Variants in NFIA observed in about 807,000 individuals in gnomAD.
NFIA encodes nuclear factor 1 A-type.
In NFIA, 8 loss-of-function variants were observed where a neutral mutation model predicts 62.8. That is an observed-to-expected ratio of 0.13 (90% CI 0.07 to 0.23). NFIA has a LOEUF of 0.23. NFIA is among the 10% of genes least tolerant of loss of function. The pLI, the probability that NFIA is intolerant of heterozygous loss-of-function variation, is 1.00. For synonymous variants in NFIA, 235 were observed against 238.1 expected, an observed-to-expected ratio of 0.99 and a Z score of 0.12; for missense variants, 410 against 642.1, an observed-to-expected ratio of 0.64 and a Z score of 3.91.
chr1:61,315,040 CA>C (rs71582636), intron 3 of NFIA, among the ~76,000 whole-genome samples: 6 of 150,298 alleles, frequency 4.0e-5, no homozygotes, highest in South Asian at 4.2e-4. Flanking sequence ...GCACCTGAAA[CA>C]AAAAAAAACA....
intron 10 of NFIA, among the ~76,000 whole-genome samples, chr1:61,432,778 T>A (rs1006453549): frequency 6.6e-6 from 1 of 151,928 alleles, no homozygotes; most frequent in East Asian, 1.9e-4. Flanking sequence ...ACTCCCAAGA[T>A]TAGAGAGGAA....
At chr1:61,191,278 T>C (rs1486044786) in intron 2 of NFIA, among the ~76,000 whole-genome samples, 1 of 152,178 alleles carries the variant, frequency 6.6e-6, no homozygotes, top group Non-Finnish European at 1.5e-5. Flanking sequence ...CTATCAAAAA[T>C]ACGGGTAAGT....
chr1:61,367,137 A>C (rs1365890645), intron 6 of NFIA, among the ~76,000 whole-genome samples: 2 of 152,196 alleles, frequency 1.3e-5, no homozygotes, highest in African/African-American at 4.8e-5. Context: ...TAGTCATTGT[A>C]ATTTTAAATA....
chr1:61,308,642 C>T (rs529586518), intron 3 of NFIA, among the ~76,000 whole-genome samples: 2 of 152,314 alleles, frequency 1.3e-5, no homozygotes, highest in East Asian at 1.9e-4. Context: ...GGTTTACATC[C>T]TGGCTTTGTC....
intron 4 of NFIA, among the ~76,000 whole-genome samples, chr1:61,347,889 A>T (rs760935330): frequency 1.1e-4 from 17 of 152,008 alleles, no homozygotes; most frequent in Non-Finnish European, 2.1e-4. Flanking sequence ...TTTAACCCTG[A>T]CTCTCTCTTT....
chr1:61,175,033 C>A (rs1436234342), intron 2 of NFIA, among the ~76,000 whole-genome samples: 2 of 151,786 alleles, frequency 1.3e-5, no homozygotes, highest in Admixed American at 6.6e-5. Context: ...TAAAAAAAAA[C>A]AAAAAAACAC....
At chr1:61,383,137 CTT>C in intron 6 of NFIA, 98 bp from the exon 7 acceptor site, 1 of 1,449,686 alleles carries the variant, frequency 6.9e-7, no homozygotes, top group Non-Finnish European at 9.4e-7. Context: ...GTGGATTTCT[CTT>C]TTTGTTTGTT....
chr1:61,404,717 TAC>T (rs1466446301), intron 8 of NFIA, among the ~76,000 whole-genome samples: 1 of 152,294 alleles, frequency 6.6e-6, no homozygotes, highest in Middle Eastern at 3.4e-3. Flanking sequence ...TTTTGAAAAA[TAC>T]AGTCTTGTAA....
chr1:61,431,546 G>A (rs569366674), intron 10 of NFIA, among the ~76,000 whole-genome samples: 1 of 152,200 alleles, frequency 6.6e-6, no homozygotes, highest in South Asian at 2.1e-4. Context: ...ACTTGGCATG[G>A]CATGGGCCTG....
intron 2 of NFIA, among the ~76,000 whole-genome samples, chr1:61,223,788 A>G (rs1175232344): frequency 1.3e-5 from 2 of 152,160 alleles, no homozygotes; most frequent in Admixed American, 1.3e-4. Flanking sequence ...TGTGACCAAA[A>G]TCTAGATCAT....
intron 2 of NFIA, among the ~76,000 whole-genome samples, chr1:61,239,363 T>G (rs1655198789): frequency 6.6e-6 from 1 of 152,210 alleles, no homozygotes; most frequent in South Asian, 2.1e-4. Context: ...ATAAGTGATG[T>G]CTGTTAAAAA....
chr1:61,269,557 A>C (rs919495866), intron 2 of NFIA, among the ~76,000 whole-genome samples: 3 of 152,088 alleles, frequency 2.0e-5, no homozygotes, highest in Non-Finnish European at 4.4e-5. Context: ...TGTTGGTGAG[A>C]ATTCTTAAAG....
intron 3 of NFIA, among the ~76,000 whole-genome samples, chr1:61,298,512 G>A (rs1368191607): frequency 6.6e-6 from 1 of 152,142 alleles, no homozygotes; most frequent in Non-Finnish European, 1.5e-5. Flanking sequence ...ACCAGAGCTT[G>A]CTTTAACCCA....
intron 2 of NFIA, among the ~76,000 whole-genome samples, chr1:61,233,561 G>A (rs988107903): frequency 1.1e-4 from 16 of 152,220 alleles, no homozygotes; most frequent in Admixed American, 2.6e-4. Context: ...TACTTGTGCT[G>A]TGAATAGAAG....
At chr1:61,398,047 A>C (rs1665369830) in intron 7 of NFIA, among the ~76,000 whole-genome samples, 1 of 152,192 alleles carries the variant, frequency 6.6e-6, no homozygotes, top group African/African-American at 2.4e-5. Flanking sequence ...GTGAACAAGA[A>C]TTTTGTGGGT....
chr1:61,261,670 G>A (rs961770383), intron 2 of NFIA, among the ~76,000 whole-genome samples: 5 of 152,200 alleles, frequency 3.3e-5, no homozygotes, highest in African/African-American at 1.2e-4. Context: ...AACTCAGTAA[G>A]AGGTTAACTT....
At chr1:61,204,992 C>T (rs1448679267) in intron 2 of NFIA, among the ~76,000 whole-genome samples, 2 of 152,202 alleles carry the variant, frequency 1.3e-5, no homozygotes, top group African/African-American at 4.8e-5. Flanking sequence ...GAAGGTTTAG[C>T]ATAGGACTAG....
intron 10 of NFIA, among the ~76,000 whole-genome samples, chr1:61,453,165 A>G (rs758798635): frequency 5.3e-5 from 8 of 152,076 alleles, no homozygotes; most frequent in Non-Finnish European, 8.8e-5. Flanking sequence ...AAATACTTCA[A>G]TGTGTTTGCA....
intron 7 of NFIA, among the ~76,000 whole-genome samples, chr1:61,397,606 C>T (rs182890495): frequency 2.5e-4 from 38 of 152,210 alleles, no homozygotes; most frequent in Non-Finnish European, 3.5e-4. Context: ...GAAACTGTGC[C>T]GTGTGCCTTA....
Sources: gnomAD v4.1 joint callset for allele counts (sites outside exome capture counted in the v4.1 genomes callset) on GRCh38, gnomAD v4.1.1 for gene constraint, MANE v1.5 for transcripts, NCBI Gene and HGNC (gene_info 2026-07-23, HGNC 2026-07-21) for gene names.